Variants in SLC1A3 observed in about 807,000 individuals in gnomAD.
The protein encoded by SLC1A3 is solute carrier family 1 member 3.
SLC1A3 carries 21 observed loss-of-function variants against 48.1 expected under a neutral mutation model. The observed-to-expected ratio is 0.44, with a 90% confidence interval of 0.31 to 0.63. The LOEUF is 0.63. SLC1A3 is among the 20% of genes least tolerant of loss of function. The probability of loss-of-function intolerance (pLI) is 0.08; values close to 1 mark genes in which losing one functional copy is unlikely to be tolerated. For synonymous variants in SLC1A3, 239 were observed against 251.4 expected (o/e 0.95, Z 0.47); for missense variants, 546 against 689.0 (o/e 0.79, Z 2.32).
At chr5:36,609,218 C>T (rs1739095620) in intron 2 of SLC1A3, 2 of 972,090 alleles carry the variant, frequency 2.1e-6, no homozygotes, top group Non-Finnish European at 2.4e-6. Flanking sequence ...GAATCATTTC[C>T]ATCTCTTACT....
At position 36,680,501 on chromosome 5, in the gene SLC1A3, G is replaced by A. The variant is rs1301908420; in HGVS notation, c.1201G>A (p.Gly401Arg). 1 of 1,614,152 alleles carries A rather than the reference G, an allele frequency of 6.2e-7. No homozygotes were observed. The highest frequency in any genetic ancestry group is 8.5e-7 in the Non-Finnish European group (1 of 1,179,978). ...LPVGATINMDGTALYEALAAI... is the reference protein window; with the variant it reads ...LPVGATINMDRTALYEALAAI... ...CGTAGGAGCCACCATTAACATGGAT[G>A]GGACTGCCCTCTATGAGGCTTTGGC... The change falls in exon 8 of 10, where the codon GGG becomes AGG. Residue 401 changes from glycine (G) to arginine (R), a missense_variant. Coordinates refer to ENST00000265113, the MANE Select transcript of SLC1A3 (RefSeq NM_004172.5).
chr5:36,679,200 G>A (rs904210114), intron 6 of SLC1A3, among the ~76,000 whole-genome samples: 3 of 152,130 alleles, frequency 2.0e-5, no homozygotes, highest in South Asian at 2.1e-4. Context: ...AGTGGATTCC[G>A]GCTGTTCAGG....
intron 2 of SLC1A3, among the ~76,000 whole-genome samples, chr5:36,621,213 A>G (rs766788020): frequency 6.6e-6 from 1 of 152,152 alleles, no homozygotes; most frequent in Non-Finnish European, 1.5e-5. Flanking sequence ...GCCGAACTAA[A>G]TCTTAAAGGA....
At chr5:36,612,580 C>A (rs1219393346) in intron 2 of SLC1A3, among the ~76,000 whole-genome samples, 1 of 148,898 alleles carries the variant, frequency 6.7e-6, no homozygotes, top group Non-Finnish European at 1.5e-5. Flanking sequence ...CAGAGCGAGA[C>A]CCTGTCTCCA....
At chr5:36,683,120 A>G (rs1276504014) in intron 8 of SLC1A3, among the ~76,000 whole-genome samples, 1 of 152,234 alleles carries the variant, frequency 6.6e-6, no homozygotes, top group East Asian at 1.9e-4. Context: ...AACATTAATC[A>G]TGAATGTTCA....
rs1270538815 is a variant in SLC1A3, at chr5:36,673,936, T to A, written c.525-113T>A. The A allele has an allele frequency of 3.7e-5, 32 of 854,724 alleles. No individual in the cohort carries two copies. The Admixed American group carries it at 5.5e-4, about 15-fold the overall frequency. 52.9% of individuals were successfully genotyped at this position (854,724 alleles called of 1,614,324 possible). On this transcript the variant is annotated intron_variant, in intron 4 of 9. Coordinates refer to ENST00000265113, the MANE Select transcript of SLC1A3 (RefSeq NM_004172.5). ...TAAAATCCACTAACATTTTTGTTTT[T>A]CCATTTGTTGCTTGGTTCAATGCAA...
intron 2 of SLC1A3, among the ~76,000 whole-genome samples, chr5:36,623,335 CTT>C (rs1250829860): frequency 2.0e-5 from 3 of 152,140 alleles, no homozygotes; most frequent in African/African-American, 7.2e-5. Context: ...TAGATGCAAA[CTT>C]TGCAAAATTT....
chr5:36,686,127 A>C lies in SLC1A3; in HGVS notation c.1487A>C (p.His496Pro). ...TCCCTGGGAGCTGGGATTGTGGAGC[A>C]CTTGTCACGACATGAACTGAAGAAC... ...GDSLGAGIVE[H>P]LSRHELKNRD... The change falls in exon 10 of 10, where the codon CAC becomes CCC. Residue 496 changes from histidine to proline, a missense_variant. Coordinates refer to ENST00000265113, the MANE Select transcript of SLC1A3 (RefSeq NM_004172.5). 1 of 1,614,184 alleles carries C rather than the reference A, an allele frequency of 6.2e-7. No homozygotes were observed. Among genetic ancestry groups the C allele is most frequent in the Non-Finnish European group, 8.5e-7 (1 of 1,180,028 alleles).
chr5:36,680,631 T>C, intron 8 of SLC1A3, 42 bp downstream of exon 8: 1 of 1,552,446 alleles, frequency 6.4e-7, no homozygotes. Context: ...TAAGAATGCC[T>C]TTAAGGCTGG....
At position 36,661,852 on chromosome 5, in the gene SLC1A3, C is replaced by G. The variant is rs145544811; in HGVS notation, c.320-9177C>G. On this transcript the variant is annotated intron_variant, in intron 3 of 9. Coordinates refer to ENST00000265113, the MANE Select transcript of SLC1A3 (RefSeq NM_004172.5). The stretch of plus-strand genomic sequence containing the variant: ...CATGCTCTGCAGTCAATTTGAGAAG[C>G]CTTTTGGTTAATTTTGGACAAGTCA... Among the ~76,000 whole-genome samples the G allele has an allele frequency of 1.8e-4, 27 of 152,290 alleles. No individual in the cohort carries two copies. The East Asian group carries it at 5.0e-3, about 28-fold the overall frequency.
intron 8 of SLC1A3, among the ~76,000 whole-genome samples, chr5:36,683,457 C>T (rs1456350279): frequency 1.3e-5 from 2 of 151,726 alleles, no homozygotes; most frequent in African/African-American, 4.8e-5. Flanking sequence ...GCCGGTAATC[C>T]CAGCACTTTG....
At chr5:36,683,747 C>A in intron 8 of SLC1A3, 117 bp from the exon 9 acceptor site, 2 of 1,094,332 alleles carry the variant, frequency 1.8e-6, no homozygotes, top group Middle Eastern at 2.3e-4. Context: ...TTCTGAAGCG[C>A]GTCCTCTTGT....
chr5:36,678,874 T>G (rs1464047798), intron 6 of SLC1A3, among the ~76,000 whole-genome samples: 1 of 152,242 alleles, frequency 6.6e-6, no homozygotes, highest in Admixed American at 6.5e-5. Flanking sequence ...TACATGCACA[T>G]TATTAAGTTT....
intron 3 of SLC1A3, among the ~76,000 whole-genome samples, chr5:36,634,558 T>C (rs1579976080): frequency 6.6e-6 from 1 of 152,190 alleles, no homozygotes; most frequent in East Asian, 1.9e-4. Flanking sequence ...AGCTTCTTCC[T>C]GAACATATCT....
chr5:36,627,804 C>T (rs1165973202), intron 2 of SLC1A3, among the ~76,000 whole-genome samples: 1 of 152,172 alleles, frequency 6.6e-6, no homozygotes, highest in African/African-American at 2.4e-5. Context: ...GGTTAAGAAC[C>T]TGGGATCTGA....
chr5:36,673,038 G>A (rs1036543400), intron 4 of SLC1A3, among the ~76,000 whole-genome samples: 2 of 152,162 alleles, frequency 1.3e-5, no homozygotes, highest in Non-Finnish European at 1.5e-5. Flanking sequence ...AGTGAAAAAT[G>A]TATCCTGCCT....
chr5:36,642,502 T>G (rs1740654963), intron 3 of SLC1A3, among the ~76,000 whole-genome samples: 1 of 152,236 alleles, frequency 6.6e-6, no homozygotes, highest in South Asian at 2.1e-4. Context: ...TTCTTGGTAT[T>G]GATAGACCTA....
intron 3 of SLC1A3, among the ~76,000 whole-genome samples, chr5:36,639,540 A>G (rs759440495): frequency 6.6e-6 from 1 of 152,206 alleles, no homozygotes; most frequent in Non-Finnish European, 1.5e-5. Context: ...TTCAGCATGT[A>G]TGTATCTTTG....
At chr5:36,660,813 G>C (rs1366056821) in intron 3 of SLC1A3, among the ~76,000 whole-genome samples, 2 of 152,176 alleles carry the variant, frequency 1.3e-5, no homozygotes, top group African/African-American at 2.4e-5. Context: ...GAACTGAAAG[G>C]GGGTGCCGTT....
Sources: allele counts gnomAD v4.1 joint callset (sites outside exome capture counted in the v4.1 genomes callset), GRCh38; gene constraint gnomAD v4.1.1; transcripts MANE v1.5; gene names NCBI Gene and HGNC (gene_info 2026-07-23, HGNC 2026-07-21).